PRC1: variants seen among roughly 807,000 people sequenced by gnomAD.
The protein encoded by PRC1 is protein regulator of cytokinesis 1.
In PRC1, 54 loss-of-function variants were observed where a neutral mutation model predicts 91.2. The observed-to-expected ratio is 0.59, with a 90% CI of 0.48 to 0.74. PRC1 has a LOEUF of 0.74. Ranked by LOEUF, PRC1 falls within the 30% of genes least tolerant of loss-of-function variation. PRC1 has a pLI of 0.00. For missense variants in PRC1, 727 were observed against 746.2 expected (o/e 0.97, Z 0.30); for synonymous variants, 275 against 263.6 (o/e 1.04, Z -0.42).
chr15:90,985,998 A>G (rs550327496), intron 1 of PRC1: 1 of 152,350 alleles, frequency 6.6e-6, no homozygotes, highest in South Asian at 2.1e-4. Flanking sequence ...TATTCTTCTT[A>G]AATTACAACT....
chr15:90,982,787 C>T (rs1214095490), intron 3 of PRC1: 1 of 152,048 alleles, frequency 6.6e-6, no homozygotes, highest in Admixed American at 6.6e-5. Flanking sequence ...GGCTGGAAAG[C>T]TTGCTTTGGG....
chr15:90,970,198 G>A (rs1267823552), intron 12 of PRC1, among the ~76,000 whole-genome samples: 2 of 152,168 alleles, frequency 1.3e-5, no homozygotes, highest in Non-Finnish European at 2.9e-5. Context: ...CATGGTACCA[G>A]TGGGGCTCAG....
chr15:90,967,404 G>A (rs548909256), intron 14 of PRC1: 14 of 582,322 alleles, frequency 2.4e-5, no homozygotes, highest in South Asian at 1.6e-4. Flanking sequence ...GCATGTGCAC[G>A]CATGCCCGTG....
At position 90,980,233 on chromosome 15, in the gene PRC1, T is replaced by G; in HGVS notation, c.970+9A>C. On this transcript the variant is annotated intron_variant, in intron 7 of 14. Transcript: ENST00000394249. ...ACAAACAAACCAAAGACCTCACTCT[T>G]GTACTAACCAGCACAGAAAGGGGCA... 1.2e-6 allele frequency: 2 copies of G among 1,602,072 alleles called. No individual in the cohort carries two copies. The highest frequency in any genetic ancestry group is 1.7e-6 in the Non-Finnish European group (2 of 1,176,502).
rs368170223 is a variant in PRC1, at chr15:90,969,618, G to C, written c.1578C>G (p.Val526=). The part of the protein sequence containing the change: ...SRLPPSGSKP[V]AASTCSGKKT... The stretch of plus-strand genomic sequence containing the variant: ...TCTTCCCTGAACAGGTGGAAGCAGC[G>C]ACTGGCTGCAGAGAAAGGAAAGAGA... The change falls in exon 13 of 15, where the codon GTC becomes GTG. Residue 526 remains valine, a synonymous_variant. Transcript: ENST00000394249. 1.2e-4 allele frequency: 195 copies of C among 1,592,066 alleles called. 2 individuals are homozygous for C. In the South Asian group the frequency reaches 1.5e-3, roughly 12 times the overall value.
At chr15:90,978,380 G>A (rs2038906957) in intron 8 of PRC1, among the ~76,000 whole-genome samples, 1 of 152,154 alleles carries the variant, frequency 6.6e-6, no homozygotes, top group South Asian at 2.1e-4. Context: ...CCACGGTGCT[G>A]TGAAGAGAGC....
chr15:90,979,231 T>A lies in PRC1; in HGVS notation c.1034A>T (p.Tyr345Phe). ...DAEIVRLKNYYEVHKELFEGV... is the reference protein window; with the variant it reads ...DAEIVRLKNYFEVHKELFEGV... ...TTCAAAGAGTTCCTTGTGAACTTCA[T>A]AGTAGTTTTTTAACCGCACAATCTC... Residue 345 changes from tyrosine to phenylalanine, a missense_variant, in exon 8 of 15, where the codon TAT becomes TTT. Coordinates refer to ENST00000394249, the MANE Select transcript of PRC1 (RefSeq NM_003981.4). The A allele has an allele frequency of 2.5e-6, 4 of 1,614,222 alleles. No homozygotes were observed. Among genetic ancestry groups the A allele is most frequent in the Non-Finnish European group, 3.4e-6 (4 of 1,180,032 alleles).
chr15:90,978,146 CCT>C (rs1229321805), intron 8 of PRC1, among the ~76,000 whole-genome samples: 1 of 152,192 alleles, frequency 6.6e-6, no homozygotes, highest in Non-Finnish European at 1.5e-5. Flanking sequence ...TACCACAGTC[CCT>C]GAGCTCTAAA....
At chr15:90,967,653 A>G (rs779536144) in intron 14 of PRC1, 18 of 233,182 alleles carry the variant, frequency 7.7e-5, no homozygotes, top group East Asian at 5.1e-4. Flanking sequence ...AAAACCCACA[A>G]TTGCCTACAG....
intron 1 of PRC1, among the ~76,000 whole-genome samples, chr15:90,993,070 C>CAAAAAAAAAAAA (rs67427806): frequency 6.5e-5 from 2 of 30,920 alleles, no homozygotes; most frequent in African/African-American, 2.1e-4. Flanking sequence ...GACCCCGTCT[C>CAAAAAAAAAAAA]AAAAAAAAAA....
chr15:90,971,672 C>G (rs1220069525), intron 11 of PRC1, among the ~76,000 whole-genome samples: 1 of 151,330 alleles, frequency 6.6e-6, no homozygotes, highest in Non-Finnish European at 1.5e-5. Flanking sequence ...ACCAGCCTGA[C>G]CAACATGGAG....
At chr15:90,978,476 G>C (rs543834726) in intron 8 of PRC1, among the ~76,000 whole-genome samples, 147 of 152,270 alleles carry the variant, frequency 9.7e-4, no homozygotes, top group African/African-American at 3.4e-3. Context: ...ATCAGGCCAG[G>C]CGTGGTGGCT....
rs765622193 is a variant in PRC1 at position 90,981,507 on chromosome 15, G to T, written c.664C>A (p.Leu222Ile). 1.9e-6 allele frequency: 3 copies of T among 1,613,766 alleles called. No individual in the cohort carries two copies. In the South Asian group the frequency reaches 3.3e-5, roughly 18 times the overall value. The change falls in exon 5 of 15, where the codon CTA becomes ATA. Residue 222 changes from leucine (L) to isoleucine (I), a missense_variant. By Grantham distance (5) the Leu-to-Ile change is conservative. Transcript: ENST00000394249. ...ATTTGAGAAGACAGTACCTGCCGTA[G>T]CAACTTTTGTAGTGTTGCAATATTC... ...LENIATLQKL[L>I]RQLEMQKSQN... is the part of the protein sequence containing the mutation.
chr15:90,989,251 T>C (rs1475009976), intron 1 of PRC1, among the ~76,000 whole-genome samples: 5 of 151,968 alleles, frequency 3.3e-5, no homozygotes, highest in Admixed American at 2.6e-4. Flanking sequence ...AGTTCCTCAA[T>C]TGATTTTTTG....
chr15:90,985,564 C>CTT (rs71154157), intron 1 of PRC1, among the ~76,000 whole-genome samples: 6 of 135,052 alleles, frequency 4.4e-5, no homozygotes, highest in Non-Finnish European at 4.8e-5. Flanking sequence ...TTTTTATTTT[C>CTT]TTTTTTTTTT....
rs1412552149 is a variant in PRC1, at chr15:90,984,236, T to TTTTTTTC, written c.145-103_145-97dup. On this transcript the variant is annotated intron_variant, in intron 2 of 14. Transcript: ENST00000394249. This position sits in a 1 kb window ranked among gnomAD's most constrained non-coding sequence, Gnocchi z 5.1. The stretch of plus-strand genomic sequence containing the variant: ...TCCTCAAATTTCTTTTTTCTTTTTC[T>TTTTTTTC]TTTTTTCTTTGAGATGGAGTCTCGC... The TTTTTTTC allele has an allele frequency of 2.7e-6, 4 of 1,483,782 alleles. No individual in the cohort carries two copies. In the African/African-American group the frequency reaches 4.2e-5, roughly 16 times the overall value. The allele number at this position is 1,483,782 out of a possible 1,614,324, so 91.9% of individuals were successfully genotyped here.
intron 1 of PRC1, among the ~76,000 whole-genome samples, chr15:90,991,745 C>T (rs1351835020): frequency 6.6e-6 from 1 of 152,192 alleles, no homozygotes; most frequent in South Asian, 2.1e-4. Flanking sequence ...CTACCACCCC[C>T]ACCCTGGTCC....
At chr15:90,980,419 T>A (rs758556215) in intron 6 of PRC1, 30 bp from the exon 7 acceptor site, 1 of 1,605,210 alleles carries the variant, frequency 6.2e-7, no homozygotes, top group African/African-American at 1.3e-5. Context: ...TAAGGGTGGC[T>A]GCCATAGTTT....
chr15:90,973,929 G>A (rs1057484269), intron 11 of PRC1: 1 of 520,638 alleles, frequency 1.9e-6, no homozygotes, highest in Non-Finnish European at 3.4e-6. Context: ...ACCGGTGCTG[G>A]TGCAGGTCCT....
Sources: allele counts gnomAD v4.1 joint callset (sites outside exome capture counted in the v4.1 genomes callset), GRCh38; gene constraint gnomAD v4.1.1; non-coding constraint Gnocchi (gnomAD v3.1); transcripts MANE v1.5; gene names NCBI Gene and HGNC (gene_info 2026-07-23, HGNC 2026-07-21).